CNTN5: variants seen among roughly 807,000 people sequenced by gnomAD.
The protein encoded by CNTN5 is contactin-5.
A neutral mutation model predicts 129.1 loss-of-function variants in CNTN5; 77 were observed. That is an observed-to-expected ratio of 0.60 (90% CI 0.50 to 0.72). CNTN5 has a LOEUF of 0.72. Among genes scored for constraint, CNTN5 ranks in the 30% least tolerant of loss-of-function variants. The probability of loss-of-function intolerance (pLI) is 0.00; values close to 1 mark genes in which losing one functional copy is unlikely to be tolerated. For synonymous variants in CNTN5, 509 were observed against 465.6 expected (o/e 1.09, Z -1.20); for missense variants, 1,478 against 1,328.8 (o/e 1.11, Z -1.75).
intron 3 of CNTN5, among the ~76,000 whole-genome samples, chr11:99,768,438 C>T (rs993762871): frequency 2.0e-5 from 3 of 152,116 alleles, no homozygotes; most frequent in Non-Finnish European, 2.9e-5. Context: ...GTCTCATAGA[C>T]AGTCCATATT....
chr11:100,036,616 C>G (rs1490766731), intron 9 of CNTN5, among the ~76,000 whole-genome samples: 1 of 149,528 alleles, frequency 6.7e-6, no homozygotes, highest in African/African-American at 2.4e-5. Flanking sequence ...AATGTTCTTC[C>G]ATTTGTTTGT....
At chr11:99,253,998 G>A (rs1017999946) in intron 1 of CNTN5, among the ~76,000 whole-genome samples, 1 of 150,386 alleles carries the variant, frequency 6.6e-6, no homozygotes, top group Non-Finnish European at 1.5e-5. Flanking sequence ...GTGAAACAAT[G>A]TTTAAATAGC....
chr11:99,395,344 A>G (rs1941465574), intron 2 of CNTN5, among the ~76,000 whole-genome samples: 1 of 151,878 alleles, frequency 6.6e-6, no homozygotes, highest in African/African-American at 2.4e-5. Context: ...TCTTCTTTTG[A>G]GAAGTGCCTG....
rs181878640 is a variant in CNTN5, at chr11:100,042,039, G to A, written c.981-19173G>A. ...ATTATTCTAATCATTTGGAGACTGCGACAATGTGGTCCCCTGCCTCAAGGG... is the reference window on the plus strand; with the variant it reads ...ATTATTCTAATCATTTGGAGACTGCAACAATGTGGTCCCCTGCCTCAAGGG... On this transcript the variant is annotated intron_variant, in intron 9 of 24. Coordinates refer to ENST00000524871, the MANE Select transcript of CNTN5 (RefSeq NM_014361.4). 2.3e-3 allele frequency among the ~76,000 whole-genome samples: 354 copies of A among 152,242 alleles called. 2 individuals carry two copies. Among genetic ancestry groups the A allele is most frequent in the Middle Eastern group, 0.01 (3 of 294 alleles).
chr11:100,292,798 C>T lies in CNTN5; in HGVS notation c.2315-4827C>T, dbSNP rs541921033. Among the ~76,000 whole-genome samples, 6 of 152,038 alleles carry T rather than the reference C, an allele frequency of 3.9e-5. No individual in the cohort carries two copies. In the South Asian group the frequency reaches 6.2e-4, roughly 16 times the overall value. ...TAAAATTGGTTTCCCTAATTCGTAG[C>T]GAGACTAGTTTTCTTCAGCCACTCT... On this transcript the variant is annotated intron_variant, in intron 18 of 24. Coordinates refer to ENST00000524871, the MANE Select transcript of CNTN5 (RefSeq NM_014361.4).
chr11:100,033,355 A>G (rs72996828), intron 9 of CNTN5, among the ~76,000 whole-genome samples: 3 of 152,348 alleles, frequency 2.0e-5, no homozygotes, highest in Non-Finnish European at 4.4e-5. Flanking sequence ...GTACATCCAT[A>G]TGTAGAATTA....
intron 1 of CNTN5, among the ~76,000 whole-genome samples, chr11:99,231,609 C>T (rs1342804096): frequency 6.6e-6 from 1 of 152,102 alleles, no homozygotes. Context: ...TGTCTGTTCA[C>T]TCTGATGATA....
chr11:100,009,418 G>C (rs1311736695), intron 9 of CNTN5, among the ~76,000 whole-genome samples: 1 of 151,230 alleles, frequency 6.6e-6, no homozygotes, highest in Non-Finnish European at 1.5e-5. Context: ...GGGAAACAAA[G>C]GTATGTAAAG....
At chr11:99,515,372 C>A (rs1217011924) in intron 2 of CNTN5, among the ~76,000 whole-genome samples, 1 of 151,958 alleles carries the variant, frequency 6.6e-6, no homozygotes, top group Non-Finnish European at 1.5e-5. Flanking sequence ...TGACTTTGTT[C>A]TGAATATTTG....
At chr11:99,351,597 C>T (rs987805142) in intron 2 of CNTN5, among the ~76,000 whole-genome samples, 1 of 152,036 alleles carries the variant, frequency 6.6e-6, no homozygotes, top group Admixed American at 6.6e-5. Flanking sequence ...ATGGTATAAA[C>T]GATTAAAAAC....
At chr11:99,044,413 G>A (rs752048303) in intron 1 of CNTN5, among the ~76,000 whole-genome samples, 101 of 151,988 alleles carry the variant, frequency 6.6e-4, no homozygotes, top group Non-Finnish European at 1.1e-3. Flanking sequence ...TCTGCAGCCC[G>A]CCCATCTTAT....
At chr11:99,596,600 A>C (rs1950134047) in intron 3 of CNTN5, among the ~76,000 whole-genome samples, 1 of 152,196 alleles carries the variant, frequency 6.6e-6, no homozygotes, top group South Asian at 2.1e-4. Context: ...TTTGCTTCAG[A>C]AGTAAAATTA....
chr11:99,545,541 A>G lies in CNTN5; in HGVS notation c.-70-10604A>G, dbSNP rs562804838. Among the ~76,000 whole-genome samples the G allele has an allele frequency of 1.2e-4, 18 of 152,290 alleles. 1 individual carries two copies. The South Asian group carries it at 3.7e-3, about 32-fold the overall frequency. ...TATGGGTTTATTTCTCTTGCTAGAG[A>G]CCATGGCCCTAAAATCTTATTCATA... is the stretch of plus-strand genomic sequence containing the variant. On this transcript the variant is annotated intron_variant, in intron 2 of 24. Coordinates refer to ENST00000524871, the MANE Select transcript of CNTN5 (RefSeq NM_014361.4).
chr11:100,165,502 G>A (rs902173652), intron 13 of CNTN5, among the ~76,000 whole-genome samples: 8 of 151,724 alleles, frequency 5.3e-5, no homozygotes, highest in Non-Finnish European at 1.5e-5. Flanking sequence ...ATGACATATA[G>A]GAAAATGTTA....
At chr11:99,151,312 G>A (rs1274537041) in intron 1 of CNTN5, among the ~76,000 whole-genome samples, 1 of 152,042 alleles carries the variant, frequency 6.6e-6, no homozygotes, top group African/African-American at 2.4e-5. Context: ...GTGTGTGATA[G>A]GGATGGAGAG....
At chr11:99,310,131 T>C (rs1043412076) in intron 1 of CNTN5, among the ~76,000 whole-genome samples, 1 of 152,190 alleles carries the variant, frequency 6.6e-6, no homozygotes, top group African/African-American at 2.4e-5. Flanking sequence ...TGCAATTTAG[T>C]GTATGCCAAT....
chr11:99,640,896 C>T (rs1331365545), intron 3 of CNTN5, among the ~76,000 whole-genome samples: 1 of 152,206 alleles, frequency 6.6e-6, no homozygotes, highest in Non-Finnish European at 1.5e-5. Flanking sequence ...AAAAACACAA[C>T]TCTTGTTCTC....
chr11:99,961,792 C>T (rs556235153), intron 8 of CNTN5, among the ~76,000 whole-genome samples: 2 of 152,190 alleles, frequency 1.3e-5, no homozygotes, highest in African/African-American at 2.4e-5. Context: ...TTCTAGCATT[C>T]GTATGCCAGC....
chr11:100,047,401 A>AAATT (rs1385539267), intron 9 of CNTN5, among the ~76,000 whole-genome samples: 9 of 152,318 alleles, frequency 5.9e-5, no homozygotes, highest in Admixed American at 5.2e-4. Flanking sequence ...AACCACAAAT[A>AAATT]AATTAGCTGC....
Sources: allele counts gnomAD v4.1 joint callset (sites outside exome capture counted in the v4.1 genomes callset), GRCh38; gene constraint gnomAD v4.1.1; transcripts MANE v1.5; gene names NCBI Gene and HGNC (gene_info 2026-07-23, HGNC 2026-07-21).